Variants in IFNAR2 observed in about 807,000 individuals in gnomAD.
IFNAR2 encodes interferon alpha and beta receptor subunit 2.
In IFNAR2, 30 loss-of-function variants were observed where a neutral mutation model predicts 49.4. The observed-to-expected ratio is 0.61, with a 90% CI of 0.45 to 0.82. IFNAR2 has a LOEUF of 0.82. IFNAR2 is among the 40% of genes least tolerant of loss of function. IFNAR2 has a pLI of 0.00. For synonymous variants in IFNAR2, 224 were observed against 234.5 expected, an observed-to-expected ratio of 0.96 and a Z score of 0.41; for missense variants, 600 against 622.7, an observed-to-expected ratio of 0.96 and a Z score of 0.39.
At chr21:33,254,730 A>G (rs1304932573) in intron 7 of IFNAR2, among the ~76,000 whole-genome samples, 4 of 152,114 alleles carry the variant, frequency 2.6e-5, no homozygotes, top group Non-Finnish European at 5.9e-5. Flanking sequence ...CCCCACTTCG[A>G]ATTGTCCCAC....
chr21:33,237,175 C>T (rs1478375805), intron 1 of IFNAR2, among the ~76,000 whole-genome samples: 1 of 151,072 alleles, frequency 6.6e-6, no homozygotes, highest in Non-Finnish European at 1.5e-5. Context: ...GATGTGCCAC[C>T]GTTGGAGACA....
Position 33,237,901 on chromosome 21 carries a change from C to T in IFNAR2, c.-83-3939C>T, listed in dbSNP as rs555022654. Among the ~76,000 whole-genome samples, 3 of 152,222 alleles carry T rather than the reference C, an allele frequency of 2.0e-5. No homozygotes were observed. The East Asian group carries it at 5.8e-4, about 29-fold the overall frequency. On this transcript the variant is annotated intron_variant, in intron 1 of 8. Transcript: ENST00000342136. ...TCCTAATTAGGGAAGAGGAGTCAGG[C>T]TGGGGGTCTAGGGGAAAGCAAAGAG...
At chr21:33,235,387 G>A (rs1037064859) in intron 1 of IFNAR2, among the ~76,000 whole-genome samples, 15 of 152,110 alleles carry the variant, frequency 9.9e-5, no homozygotes, top group South Asian at 2.1e-4. Flanking sequence ...GGCTCAGCAG[G>A]ACAATAACTC....
chr21:33,256,081 G>A (rs991764820), intron 7 of IFNAR2, among the ~76,000 whole-genome samples: 5 of 152,176 alleles, frequency 3.3e-5, no homozygotes, highest in Admixed American at 1.3e-4. Context: ...GACAGATGGT[G>A]GTTTATTGAA....
At chr21:33,234,142 CTTTAT>C (rs1986262612) in intron 1 of IFNAR2, among the ~76,000 whole-genome samples, 1 of 150,142 alleles carries the variant, frequency 6.7e-6, no homozygotes, top group Non-Finnish European at 1.5e-5. Flanking sequence ...ACTCCTTTGA[CTTTAT>C]TTTAGTCTTT....
chr21:33,242,461 G>A (rs998806689), intron 2 of IFNAR2, among the ~76,000 whole-genome samples: 2 of 152,000 alleles, frequency 1.3e-5, no homozygotes, highest in Non-Finnish European at 2.9e-5. Flanking sequence ...GTCCGGGCGC[G>A]GTGGCTCGCG....
chr21:33,263,235 A>G lies in IFNAR2; in HGVS notation c.1283A>G (p.Asn428Ser). ...AGAATTACCTTCAATGTGGACTTAA[A>G]CTCTGTGTTTTTGAGAGTTCTTGAT... ...GGRITFNVDL[N>S]SVFLRVLDDE... The change falls in exon 9 of 9, where the codon AAC becomes AGC. Residue 428 changes from asparagine to serine, a missense_variant. Asn to Ser is a conservative substitution (Grantham distance 46). Coordinates refer to ENST00000342136, the MANE Select transcript of IFNAR2 (RefSeq NM_001289125.3). The G allele has an allele frequency of 6.2e-7, 1 of 1,614,060 alleles. No homozygotes were observed. Among genetic ancestry groups the G allele is most frequent in the African/African-American group, 1.3e-5 (1 of 74,982 alleles).
At chr21:33,235,315 C>T (rs1986365999) in intron 1 of IFNAR2, among the ~76,000 whole-genome samples, 1 of 152,192 alleles carries the variant, frequency 6.6e-6, no homozygotes, top group Admixed American at 6.5e-5. Flanking sequence ...AGCTGCTACT[C>T]AAGATGGAGT....
chr21:33,258,094 C>G (rs181363281), intron 7 of IFNAR2, among the ~76,000 whole-genome samples: 1 of 152,214 alleles, frequency 6.6e-6, no homozygotes, highest in East Asian at 1.9e-4. Context: ...CACCTGAGGT[C>G]AGGAGTTCGA....
In IFNAR2 at chr21:33,263,299, A is replaced by G. The variant is rs973703208; in HGVS notation, c.1347A>G (p.Leu449=). 5 of 1,614,186 alleles carry G rather than the reference A, an allele frequency of 3.1e-6. No homozygotes were observed. The highest frequency in any genetic ancestry group is 1.7e-5 in the Admixed American group (1 of 60,034). The change falls in exon 9 of 9, where the codon CTA becomes CTG. Residue 449 remains leucine (L), a synonymous_variant. Coordinates refer to ENST00000342136, the MANE Select transcript of IFNAR2 (RefSeq NM_001289125.3). ...DSDDLEAPLM[L]SSHLEEMVDP... is the part of the protein sequence containing the mutation. ...ACGACTTAGAAGCCCCTCTGATGCT[A>G]TCGTCTCATCTGGAAGAGATGGTTG...
At chr21:33,238,658 T>G (rs1290338325) in intron 1 of IFNAR2, among the ~76,000 whole-genome samples, 1 of 143,614 alleles carries the variant, frequency 7.0e-6, no homozygotes, top group Admixed American at 7.2e-5. Flanking sequence ...CAAAAACTTC[T>G]GGGTGTTTTT....
At chr21:33,242,070 C>G in intron 2 of IFNAR2, 93 bp downstream of exon 2, 2 of 1,219,092 alleles carry the variant, frequency 1.6e-6, no homozygotes, top group Middle Eastern at 1.9e-4. Flanking sequence ...ACTCATTTCC[C>G]TGACTAGAGG....
Position 33,260,752 on chromosome 21 carries a change from T to A in IFNAR2, c.840+25T>A, listed in dbSNP as rs577735060. ...GGTAGGTAGTTTTTTTGTTTTGTTT[T>A]GTTTTTTCTATCTTTGTTTTTTATT... On this transcript the variant is annotated intron_variant, in intron 8 of 8. Coordinates refer to ENST00000342136, the MANE Select transcript of IFNAR2 (RefSeq NM_001289125.3). 4 of 1,431,664 alleles carry A rather than the reference T, an allele frequency of 2.8e-6. No homozygotes were observed. In the African/African-American group the frequency reaches 5.9e-5, roughly 21 times the overall value. The allele number at this position is 1,431,664 out of a possible 1,614,324, so 88.7% of individuals were successfully genotyped here. A position where few individuals can be genotyped will look rare whatever the true frequency, so the allele number is the denominator to read the frequency against.
Position 33,262,773 on chromosome 21 carries a change from T to G in IFNAR2, c.841-20T>G, listed in dbSNP as rs1369636546. The stretch of plus-strand genomic sequence containing the variant: ...GTACAGCTGATACGGACTCTCTCTC[T>G]CTTTTTTTTTTTTTTTAAGAATTTT... On this transcript the variant is annotated intron_variant, in intron 8 of 8. Coordinates refer to ENST00000342136, the MANE Select transcript of IFNAR2 (RefSeq NM_001289125.3). 1 of 1,546,624 alleles carries G rather than the reference T, an allele frequency of 6.5e-7. No individual in the cohort carries two copies. The highest frequency in any genetic ancestry group is 1.5e-5 in the African/African-American group (1 of 68,350).
chr21:33,252,654 G>A lies in IFNAR2; in HGVS notation c.541-8G>A. The A allele has an allele frequency of 6.2e-7, 1 of 1,607,582 alleles. No homozygotes were observed. Among genetic ancestry groups the A allele is most frequent in the Non-Finnish European group, 8.5e-7 (1 of 1,177,774 alleles). ...TCAGTCTTACTGATTTTTTGCTTAT[G>A]TTTACAGCATAAACCCGAAATAAAA... On this transcript the variant is annotated splice_region_variant and splice_polypyrimidine_tract_variant and intron_variant, in intron 6 of 8. Transcript: ENST00000342136.
At position 33,229,992 on chromosome 21, in the gene IFNAR2, C is replaced by T. The variant is rs566466168; in HGVS notation, c.-308C>T. The T allele has an allele frequency of 7.3e-5, 72 of 984,674 alleles. 1 individual carries two copies. In the East Asian group the frequency reaches 7.5e-3, roughly 103 times the overall value. 61.0% of individuals were successfully genotyped at this position (984,674 alleles called of 1,614,324 possible). ...GCGCGCACCCGCACTAAAGACGCTT[C>T]TTCCCGGCGGGTAGGAATCCCGCCG... On this transcript the variant is annotated 5_prime_UTR_variant, in exon 1 of 9. Transcript: ENST00000342136.
intron 7 of IFNAR2, among the ~76,000 whole-genome samples, chr21:33,254,144 AC>A (rs1231901211): frequency 6.6e-6 from 1 of 152,216 alleles, no homozygotes; most frequent in Non-Finnish European, 1.5e-5. Context: ...AAGCCCCCCA[AC>A]CAACTGAATG....
chr21:33,265,475 G>A lies in IFNAR2; in HGVS notation c.*1975G>A, dbSNP rs1321234316. On this transcript the variant is annotated 3_prime_UTR_variant, in exon 9 of 9. Coordinates refer to ENST00000342136, the MANE Select transcript of IFNAR2 (RefSeq NM_001289125.3). ...TCTAATGAAATTCCATAGGAAAGAG[G>A]CCTTTTGTATATTGAATCAATTTAT... The A allele has an allele frequency of 6.5e-6, 1 of 154,776 alleles. No individual in the cohort carries two copies. Among genetic ancestry groups the A allele is most frequent in the Non-Finnish European group, 1.4e-5 (1 of 69,222 alleles). 9.6% of individuals were successfully genotyped at this position (154,776 alleles called of 1,614,324 possible).
chr21:33,250,782 A>G (rs1987784421), intron 6 of IFNAR2, among the ~76,000 whole-genome samples: 1 of 152,076 alleles, frequency 6.6e-6, no homozygotes, highest in Non-Finnish European at 1.5e-5. Context: ...CAGGCGATCC[A>G]CCCACCTCAG....
Sources: gnomAD v4.1 joint callset for allele counts (sites outside exome capture counted in the v4.1 genomes callset) on GRCh38, gnomAD v4.1.1 for gene constraint, MANE v1.5 for transcripts, NCBI Gene and HGNC (gene_info 2026-07-23, HGNC 2026-07-21) for gene names.